RAD52: variants seen among roughly 807,000 people sequenced by gnomAD.
The protein encoded by RAD52 is DNA repair protein RAD52 homolog.
In RAD52, 47 loss-of-function variants were observed where a neutral mutation model predicts 55.5. That is an observed-to-expected ratio of 0.85 (90% CI 0.67 to 1.08). The LOEUF (loss-of-function observed/expected upper bound fraction) is 1.08, where lower values mean the gene tolerates loss of function less well. Ranked by LOEUF, RAD52 falls within the 50% of genes least tolerant of loss-of-function variation. The pLI is 0.00. For synonymous variants in RAD52, 184 were observed against 198.9 expected, an observed-to-expected ratio of 0.92 and a Z score of 0.63; for missense variants, 468 against 522.8, an observed-to-expected ratio of 0.90 and a Z score of 1.02.
At chr12:988,756 T>A (rs1055399376) in intron 1 of RAD52, among the ~76,000 whole-genome samples, 5 of 152,212 alleles carry the variant, frequency 3.3e-5, no homozygotes, top group African/African-American at 1.2e-4. Context: ...ATTCTCCTGA[T>A]AACCAACATA....
chr12:958,580 C>A (rs1443687736), intron 1 of RAD52, among the ~76,000 whole-genome samples: 1 of 152,200 alleles, frequency 6.6e-6, no homozygotes, highest in African/African-American at 2.4e-5. Flanking sequence ...CACTGGGAGA[C>A]TGTTGAAGTC....
chr12:950,675 A>G (rs768053903), upstream of RAD52, among the ~76,000 whole-genome samples: 2 of 151,896 alleles, frequency 1.3e-5, no homozygotes, highest in Non-Finnish European at 2.9e-5. Flanking sequence ...AGCCTCCCAA[A>G]GTGCTAGGAT....
chr12:948,559 T>G (rs1314995462), intron 1 of RAD52, among the ~76,000 whole-genome samples: 1 of 151,988 alleles, frequency 6.6e-6, no homozygotes, highest in Non-Finnish European at 1.5e-5. Flanking sequence ...CTTGAGAGGC[T>G]GAAGCAAAGA....
chr12:961,184 C>T (rs1235577672), intron 1 of RAD52, among the ~76,000 whole-genome samples: 1 of 151,476 alleles, frequency 6.6e-6, no homozygotes, highest in African/African-American at 2.4e-5. Context: ...GTGGCAGGCG[C>T]CTGTAATCCC....
At chr12:922,520 A>G (rs563019505) in intron 7 of RAD52, among the ~76,000 whole-genome samples, 2 of 152,348 alleles carry the variant, frequency 1.3e-5, no homozygotes, top group South Asian at 4.1e-4. Flanking sequence ...TGTGGTCTAT[A>G]TATACAACAG....
chr12:973,574 C>T (rs906172630), intron 1 of RAD52, among the ~76,000 whole-genome samples: 1 of 146,546 alleles, frequency 6.8e-6, no homozygotes, highest in African/African-American at 2.5e-5. Context: ...AACTCCCTGG[C>T]TCAAGAGATC....
chr12:930,939 C>A (rs1232408186), intron 3 of RAD52, among the ~76,000 whole-genome samples: 2 of 151,058 alleles, frequency 1.3e-5, no homozygotes, highest in Non-Finnish European at 2.9e-5. Context: ...TGGTCGGACT[C>A]CAGCCTAGGT....
chr12:969,221 G>C (rs987674437), intron 1 of RAD52, among the ~76,000 whole-genome samples: 1 of 151,820 alleles, frequency 6.6e-6, no homozygotes, highest in Non-Finnish European at 1.5e-5. Context: ...TTTTGAAAGG[G>C]GGTGCTGGAA....
intron 1 of RAD52, among the ~76,000 whole-genome samples, chr12:979,832 G>C (rs1958987520): frequency 6.6e-6 from 1 of 152,114 alleles, no homozygotes; most frequent in African/African-American, 2.4e-5. Flanking sequence ...CGGATCACGA[G>C]GTCAGCAGAT....
At chr12:943,057 C>T (rs1424030981) in intron 1 of RAD52, among the ~76,000 whole-genome samples, 1 of 152,158 alleles carries the variant, frequency 6.6e-6, no homozygotes, top group East Asian at 1.9e-4. Context: ...GGAAGATGCA[C>T]ATTGTCATGG....
At chr12:926,704 T>TA in intron 6 of RAD52, 1 of 1,310,022 alleles carries the variant, frequency 7.6e-7, no homozygotes, top group Non-Finnish European at 1.0e-6. Context: ...CCTTTATTTA[T>TA]AAATTACCCA....
At chr12:918,667 C>T (rs1460323125) in intron 7 of RAD52, among the ~76,000 whole-genome samples, 1 of 152,108 alleles carries the variant, frequency 6.6e-6, no homozygotes, top group Admixed American at 6.5e-5. Flanking sequence ...TCCTTGGCCT[C>T]TCAAGTGGTG....
intron 3 of RAD52, among the ~76,000 whole-genome samples, chr12:930,966 G>C (rs1957295156): frequency 7.7e-6 from 1 of 130,634 alleles, no homozygotes. Context: ...GCAAGACCCT[G>C]TCTTTAAAAA....
intron 1 of RAD52, among the ~76,000 whole-genome samples, chr12:984,621 CAT>C (rs1413530522): frequency 6.6e-6 from 1 of 151,910 alleles, no homozygotes; most frequent in Non-Finnish European, 1.5e-5. Context: ...CACAGTGTAG[CAT>C]ATGTCAGAAT....
At chr12:958,974 C>T (rs1958648401) in intron 1 of RAD52, among the ~76,000 whole-genome samples, 1 of 152,136 alleles carries the variant, frequency 6.6e-6, no homozygotes. Context: ...TGTTTCCTGT[C>T]CTTGGCTATT....
chr12:984,740 C>T (rs557837250), intron 1 of RAD52, among the ~76,000 whole-genome samples: 1 of 151,938 alleles, frequency 6.6e-6, no homozygotes, highest in Non-Finnish European at 1.5e-5. Context: ...TCTCGGCTCA[C>T]TGCAAGCTCC....
At chr12:988,661 A>C (rs1163134649) in intron 1 of RAD52, among the ~76,000 whole-genome samples, 1 of 152,234 alleles carries the variant, frequency 6.6e-6, no homozygotes, top group Non-Finnish European at 1.5e-5. Context: ...AAGGTCAAGG[A>C]AAAGTGTCTG....
intron 1 of RAD52, chr12:936,817 A>T (rs1178125206): frequency 6.6e-6 from 1 of 152,246 alleles, no homozygotes; most frequent in Non-Finnish European, 1.5e-5. Flanking sequence ...ACAGCACTTC[A>T]AATCTTCTTG....
intron 1 of RAD52, among the ~76,000 whole-genome samples, chr12:980,818 C>T (rs1414080671): frequency 6.6e-6 from 1 of 152,004 alleles, no homozygotes; most frequent in African/African-American, 2.4e-5. Flanking sequence ...CTAGGGCTGC[C>T]ATAACAAAAT....
Sources: gnomAD v4.1 joint callset for allele counts (sites outside exome capture counted in the v4.1 genomes callset) on GRCh38, gnomAD v4.1.1 for gene constraint, MANE v1.5 for transcripts, NCBI Gene and HGNC (gene_info 2026-07-23, HGNC 2026-07-21) for gene names.